Variants in PTPRCAP observed in about 807,000 individuals in gnomAD.
The protein encoded by PTPRCAP is protein tyrosine phosphatase receptor type C associated protein, also known as protein tyrosine phosphatase receptor type C-associated protein.
For synonymous variants in PTPRCAP, 136 were observed against 135.8 expected, an observed-to-expected ratio of 1.00 and a Z score of -0.01; for missense variants, 294 against 285.5, an observed-to-expected ratio of 1.03 and a Z score of -0.22.
At position 67,436,281 on chromosome 11, in the gene PTPRCAP, C is replaced by T. The variant is rs773947458; in HGVS notation, c.73G>A (p.Ala25Thr). 1.4e-5 allele frequency: 21 copies of T among 1,536,340 alleles called. No individual in the cohort carries two copies. The highest frequency in any genetic ancestry group is 6.0e-5 in the South Asian group (5 of 82,822). Reference protein sequence around the residue: ...LPGALGSGGSAEDSVGSSSVT... With the variant: ...LPGALGSGGSTEDSVGSSSVT... Reference sequence around the variant, plus strand: ...GAGCTGGAGCCCACGCTGTCCTCCGCGCTGCCACCCGAGCCCAAGGCCCCT... The same window carrying T: ...GAGCTGGAGCCCACGCTGTCCTCCGTGCTGCCACCCGAGCCCAAGGCCCCT... The change falls in exon 2 of 2, where the codon GCG becomes ACG. Residue 25 changes from alanine (A) to threonine (T), a missense_variant. By Grantham distance (58) the Ala-to-Thr change is moderately conservative. Transcript: ENST00000326294.
intron 1 of PTPRCAP, chr11:67,436,722 C>T (rs1412763104): frequency 1.3e-5 from 3 of 226,788 alleles, no homozygotes; most frequent in African/African-American, 2.3e-5. Context: ...CTGACCTTAA[C>T]CTCTACCCTG....
chr11:67,435,981 C>T lies in PTPRCAP; in HGVS notation c.373G>A (p.Ala125Thr), dbSNP rs1397785546. ...YDHVADGGLQADPGEGEQQCG... is the reference protein window; with the variant it reads ...YDHVADGGLQTDPGEGEQQCG... ...TGCTGCTCGCCTTCCCCAGGGTCAG[C>T]CTGCAGGCCACCATCCGCGACGTGG... The change falls in exon 2 of 2, where the codon GCT becomes ACT. Residue 125 changes from alanine (A) to threonine (T), a missense_variant. Coordinates refer to ENST00000326294, the MANE Select transcript of PTPRCAP (RefSeq NM_005608.3). The T allele has an allele frequency of 1.9e-6, 3 of 1,613,630 alleles. No individual in the cohort carries two copies. The highest frequency in any genetic ancestry group is 3.3e-5 in the Admixed American group (2 of 59,994).
rs771618598 is a variant in PTPRCAP, at chr11:67,437,669, G to C, written c.-50C>G. On this transcript the variant is annotated 5_prime_UTR_variant, in exon 1 of 2. Coordinates refer to ENST00000326294, the MANE Select transcript of PTPRCAP (RefSeq NM_005608.3). ...GGCACCCACCTCCAGCTCTGGCTGT[G>C]TCGAGCGAGAAGTGAGCTCAGTGCT... 20 of 1,352,410 alleles carry C rather than the reference G, an allele frequency of 1.5e-5. No individual in the cohort carries two copies. Among genetic ancestry groups the C allele is most frequent in the Middle Eastern group, 2.0e-4 (1 of 5,020 alleles). The allele number at this position is 1,352,410 out of a possible 1,614,324, so 83.8% of individuals were successfully genotyped here.
chr11:67,437,419 G>A lies in PTPRCAP; in HGVS notation c.3+198C>T, dbSNP rs534851413. 8 of 502,612 alleles carry A rather than the reference G, an allele frequency of 1.6e-5. No homozygotes were observed. The East Asian group carries it at 2.8e-4, about 18-fold the overall frequency. 31.1% of individuals were successfully genotyped at this position (502,612 alleles called of 1,614,324 possible). ...CTGACAGGGGCCTGGTCCGGTATGG[G>A]GTGCTGGGGGCCAGGCCTGGAGTCC... On this transcript the variant is annotated intron_variant, in intron 1 of 1. Transcript: ENST00000326294.
chr11:67,436,327 G>A lies in PTPRCAP; in HGVS notation c.27C>T (p.Leu9=), dbSNP rs981967918. 2.0e-5 allele frequency: 30 copies of A among 1,504,322 alleles called. No homozygotes were observed. In the African/African-American group the frequency reaches 2.4e-4, roughly 12 times the overall value. 93.2% of individuals were successfully genotyped at this position (1,504,322 alleles called of 1,614,324 possible). The change falls in exon 2 of 2, where the codon CTC becomes CTT. Residue 9 remains leucine, a synonymous_variant. Transcript: ENST00000326294. ...CCCCTGGCAGGGCCAGCAGCATCCC[G>A]AGCCCTAAGGTGCAGGGCAGAGCCT... is the stretch of plus-strand genomic sequence containing the variant. MALPCTLG[L]GMLLALPGAL...
At chr11:67,437,362 AG>A (rs1242314703) in intron 1 of PTPRCAP, 2 of 395,116 alleles carry the variant, frequency 5.1e-6, no homozygotes, top group African/African-American at 4.1e-5. Flanking sequence ...TCCCGCTCAC[AG>A]GAAGACCAGG....
Position 67,436,035 on chromosome 11 carries a change from G to A in PTPRCAP, c.319C>T (p.Gln107Ter). 6.2e-7 allele frequency: 1 copy of A among 1,613,580 alleles called. No homozygotes were observed. The highest frequency in any genetic ancestry group is 8.5e-7 in the Non-Finnish European group (1 of 1,179,860). The change falls in exon 2 of 2, where the codon CAG becomes TAG. Residue 107 changes from glutamine (Q) to a stop codon, truncating the protein, a stop_gained. Coordinates refer to ENST00000326294, the MANE Select transcript of PTPRCAP (RefSeq NM_005608.3). LOFTEE classifies it low-confidence loss of function (END_TRUNC). ...LGSTDNDLER[Q>*]EDEQDTDYDH... is the part of the protein sequence containing the mutation. Reference sequence around the variant, plus strand: ...TAGTCTGTGTCCTGCTCATCCTCCTGTCGCTCAAGGTCATTGTCTGTGGAC... The same window carrying A: ...TAGTCTGTGTCCTGCTCATCCTCCTATCGCTCAAGGTCATTGTCTGTGGAC...
chr11:67,436,557 C>G (rs1388535071), intron 1 of PTPRCAP: 3 of 501,698 alleles, frequency 6.0e-6, no homozygotes. Flanking sequence ...CTCCCTACCA[C>G]TCACCTCCCC....
chr11:67,437,219 A>T (rs571950100), intron 1 of PTPRCAP: 123 of 166,020 alleles, frequency 7.4e-4, no homozygotes, highest in South Asian at 1.7e-3. Flanking sequence ...GGGCTGGGGG[A>T]GGCGGGCGCA....
rs145877182 is a variant in PTPRCAP, at chr11:67,435,580, G to A, written c.*153C>T. 218 of 1,192,016 alleles carry A rather than the reference G, an allele frequency of 1.8e-4. No individual in the cohort carries two copies. The African/African-American group carries it at 3.0e-3, about 16-fold the overall frequency. 73.8% of individuals were successfully genotyped at this position (1,192,016 alleles called of 1,614,324 possible). The stretch of plus-strand genomic sequence containing the variant: ...GGTTGGGGGGGGCCGTTCCCGTGGT[G>A]AGCGGGGTACACATGGACTTGGGAA... On this transcript the variant is annotated 3_prime_UTR_variant, in exon 2 of 2. Transcript: ENST00000326294.
At position 67,435,993 on chromosome 11, in the gene PTPRCAP, C is replaced by T; in HGVS notation, c.361G>A (p.Gly121Ser). Residue 121 changes from glycine (G) to serine (S), a missense_variant, in exon 2 of 2, where the codon GGT becomes AGT. Transcript: ENST00000326294. ...QDTDYDHVADGGLQADPGEGE... is the reference protein window; with the variant it reads ...QDTDYDHVADSGLQADPGEGE... The stretch of plus-strand genomic sequence containing the variant: ...TCCCCAGGGTCAGCCTGCAGGCCAC[C>T]ATCCGCGACGTGGTCATAGTCTGTG... 1 of 1,613,766 alleles carries T rather than the reference C, an allele frequency of 6.2e-7. No individual in the cohort carries two copies. Among genetic ancestry groups the T allele is most frequent in the Non-Finnish European group, 8.5e-7 (1 of 1,179,920 alleles).
rs955818928 is a variant in PTPRCAP, at chr11:67,435,883, G to A, written c.471C>T (p.Gly157=). 10 of 1,611,440 alleles carry A rather than the reference G, an allele frequency of 6.2e-6. No homozygotes were observed. Among genetic ancestry groups the A allele is most frequent in the Admixed American group, 5.0e-5 (3 of 59,932 alleles). ...GTCCTGGGGAGCCGAGGACCAGGTCGCCCTCCGTGTCACTGTCTCTGGCTT... is the reference window on the plus strand; with the variant it reads ...GTCCTGGGGAGCCGAGGACCAGGTCACCCTCCGTGTCACTGTCTCTGGCTT... ...AEEARDSDTE[G]DLVLGSPGPA... The change falls in exon 2 of 2, where the codon GGC becomes GGT. Residue 157 remains glycine, a synonymous_variant. Coordinates refer to ENST00000326294, the MANE Select transcript of PTPRCAP (RefSeq NM_005608.3).
At position 67,435,513 on chromosome 11, in the gene PTPRCAP, A is replaced by G; in HGVS notation, c.*220T>C. ...GGTCTCTGTAGGACCACAGGGCCAC[A>G]GGCTGAAGGAGTTTTATTTCAAATG... On this transcript the variant is annotated 3_prime_UTR_variant, in exon 2 of 2. Coordinates refer to ENST00000326294, the MANE Select transcript of PTPRCAP (RefSeq NM_005608.3). The G allele has an allele frequency of 5.7e-6, 4 of 697,872 alleles. No individual in the cohort carries two copies. The highest frequency in any genetic ancestry group is 9.1e-6 in the Non-Finnish European group (4 of 441,888). 43.2% of individuals were successfully genotyped at this position (697,872 alleles called of 1,614,324 possible). A position where few individuals can be genotyped will look rare whatever the true frequency, so the allele number is the denominator to read the frequency against.
At position 67,435,870 on chromosome 11, in the gene PTPRCAP, C is replaced by T. The variant is rs768527277; in HGVS notation, c.484G>A (p.Gly162Ser). The T allele has an allele frequency of 2.0e-5, 32 of 1,610,890 alleles. No homozygotes were observed. The highest frequency in any genetic ancestry group is 9.3e-5 in the African/African-American group (7 of 74,894). Residue 162 changes from glycine to serine, a missense_variant, in exon 2 of 2, where the codon GGC becomes AGC. Physicochemically the swap from Gly to Ser is moderately conservative, Grantham distance 56. Transcript: ENST00000326294. The part of the protein sequence containing the change: ...DSDTEGDLVL[G>S]SPGPASAGGS... ...CCTGCGCTCGCTGGTCCTGGGGAGC[C>T]GAGGACCAGGTCGCCCTCCGTGTCA...
Position 67,435,841 on chromosome 11 carries a change from GC to G in PTPRCAP, c.512del (p.Gly171AlafsTer7), listed in dbSNP as rs1864258281. ...GGTCACTCAGCAGGGCCTCAGCACT[GC>G]CCCCTGCGCTCGCTGGTCCTGGGGA... ...LGSPGPASAGGSAEALLSDLH... is the reference protein window; with the variant it reads ...LGSPGPASAGXSAEALLSDLH... On this transcript the variant is annotated frameshift_variant, in exon 2 of 2. Transcript: ENST00000326294. LOFTEE classifies it high-confidence loss of function. 1.2e-6 allele frequency: 2 copies of G among 1,608,662 alleles called. No individual in the cohort carries two copies. Among genetic ancestry groups the G allele is most frequent in the East Asian group, 4.5e-5 (2 of 44,842 alleles).
Position 67,435,560 on chromosome 11 carries a change from G to T in PTPRCAP, c.*173C>A, listed in dbSNP as rs544131075. The T allele has an allele frequency of 1.1e-6, 1 of 950,824 alleles. No individual in the cohort carries two copies. The highest frequency in any genetic ancestry group is 1.9e-5 in the South Asian group (1 of 53,942). 58.9% of individuals were successfully genotyped at this position (950,824 alleles called of 1,614,324 possible). A position where few individuals can be genotyped will look rare whatever the true frequency, so the allele number is the denominator to read the frequency against. On this transcript the variant is annotated 3_prime_UTR_variant, in exon 2 of 2. Coordinates refer to ENST00000326294, the MANE Select transcript of PTPRCAP (RefSeq NM_005608.3). The stretch of plus-strand genomic sequence containing the variant: ...AATGGTTGCCTGATGCCTGTGGTTG[G>T]GGGGGGCCGTTCCCGTGGTGAGCGG...
In PTPRCAP at chr11:67,435,922, G is replaced by A. The variant is rs138778605; in HGVS notation, c.432C>T (p.Pro144=). 26 of 1,612,878 alleles carry A rather than the reference G, an allele frequency of 1.6e-5. No individual in the cohort carries two copies. Among genetic ancestry groups the A allele is most frequent in the East Asian group, 4.5e-5 (2 of 44,896 alleles). The change falls in exon 2 of 2, where the codon CCC becomes CCT. Residue 144 remains proline, a synonymous_variant. Coordinates refer to ENST00000326294, the MANE Select transcript of PTPRCAP (RefSeq NM_005608.3). ...TGTCTCTGGCTTCCTCAGCCCGCAC[G>A]GGGACCTGCTCTGGGCTGGACGCCT... ...CGEASSPEQV[P]VRAEEARDSD...
chr11:67,437,206 G>T (rs1026155690), intron 1 of PTPRCAP: 8 of 171,578 alleles, frequency 4.7e-5, no homozygotes, highest in Non-Finnish European at 8.6e-5. Context: ...CGGGGGCTGG[G>T]GGGGGCTGGG....
In PTPRCAP at chr11:67,436,065, G is replaced by A. The variant is rs878903961; in HGVS notation, c.289C>T (p.Leu97=). 2 of 1,613,104 alleles carry A rather than the reference G, an allele frequency of 1.2e-6. No individual in the cohort carries two copies. Among genetic ancestry groups the A allele is most frequent in the South Asian group, 2.2e-5 (2 of 91,012 alleles). ...TCAAGGTCATTGTCTGTGGACCCCAGCTCAGCTCGGGCCTGCAGCCAGCGA... is the reference window on the plus strand; with the variant it reads ...TCAAGGTCATTGTCTGTGGACCCCAACTCAGCTCGGGCCTGCAGCCAGCGA... ...PGRWLQARAE[L]GSTDNDLERQ... Residue 97 remains leucine (L), a synonymous_variant, in exon 2 of 2, where the codon CTG becomes TTG. Transcript: ENST00000326294.
Sources: gnomAD v4.1 joint callset for allele counts on GRCh38, gnomAD v4.1.1 for gene constraint, MANE v1.5 for transcripts, NCBI Gene and HGNC (gene_info 2026-07-23, HGNC 2026-07-21) for gene names.